Variants in CSMD1 observed in about 807,000 individuals in gnomAD.
CSMD1 encodes CUB and Sushi multiple domains 1, also known as CUB and sushi domain-containing protein 1.
A neutral mutation model predicts 417.5 loss-of-function variants in CSMD1; 213 were observed. The observed-to-expected ratio is 0.51, with a 90% CI of 0.46 to 0.57. The LOEUF is 0.57. Ranked by LOEUF, CSMD1 falls within the 20% of genes least tolerant of loss-of-function variation. The probability of loss-of-function intolerance (pLI) is 0.00; values close to 1 mark genes in which losing one functional copy is unlikely to be tolerated. For synonymous variants in CSMD1, 2,862 were observed against 1,736.8 expected (o/e 1.65, Z -16.11); for missense variants, 6,923 against 4,529.7 (o/e 1.53, Z -15.17).
At chr8:3,309,812 A>G (rs1805186327) in intron 23 of CSMD1, among the ~76,000 whole-genome samples, 1 of 152,320 alleles carries the variant, frequency 6.6e-6, no homozygotes. Context: ...TAACTTCACA[A>G]TATAATTTTA....
intron 3 of CSMD1, among the ~76,000 whole-genome samples, chr8:4,173,804 C>G (rs2680613): frequency 0.9 from 137,576 of 152,132 alleles, 62,252 homozygotes; most frequent in South Asian, 0.96. Context: ...TGGTGAGGTG[C>G]GCTTGAGGAA....
intron 5 of CSMD1, among the ~76,000 whole-genome samples, chr8:3,826,735 A>G (rs1802077141): frequency 6.6e-6 from 1 of 152,140 alleles, no homozygotes; most frequent in African/African-American, 2.4e-5. Context: ...TTTGTACTGA[A>G]TATCCCTAGG....
chr8:4,203,656 T>C (rs187383215), intron 3 of CSMD1, among the ~76,000 whole-genome samples: 1 of 152,194 alleles, frequency 6.6e-6, no homozygotes, highest in East Asian at 1.9e-4. Flanking sequence ...CATTGGAAGT[T>C]GGTTCCTCTC....
At chr8:4,031,284 G>C (rs932535108) in intron 4 of CSMD1, among the ~76,000 whole-genome samples, 2 of 152,172 alleles carry the variant, frequency 1.3e-5, no homozygotes, top group African/African-American at 4.8e-5. Flanking sequence ...ACAAAAGAAA[G>C]AAGTTTAATA....
intron 3 of CSMD1, among the ~76,000 whole-genome samples, chr8:4,256,107 C>T (rs1411887095): frequency 6.6e-6 from 1 of 152,214 alleles, no homozygotes; most frequent in East Asian, 1.9e-4. Context: ...GACTACTTTG[C>T]TCCCCTGCAA....
chr8:3,491,316 A>G (rs907880802), intron 11 of CSMD1, among the ~76,000 whole-genome samples: 1 of 152,150 alleles, frequency 6.6e-6, no homozygotes, highest in Non-Finnish European at 1.5e-5. Context: ...ACCTATCAAA[A>G]CTTCAGCTTC....
chr8:4,432,956 A>G (rs947485008), intron 2 of CSMD1, among the ~76,000 whole-genome samples: 1 of 152,186 alleles, frequency 6.6e-6, no homozygotes, highest in Non-Finnish European at 1.5e-5. Context: ...GGCTCACGTT[A>G]CCAGCTGAGC....
intron 1 of CSMD1, among the ~76,000 whole-genome samples, chr8:4,647,208 T>C (rs924032018): frequency 2.0e-5 from 3 of 151,404 alleles, no homozygotes; most frequent in African/African-American, 7.3e-5. Context: ...AACTTCAGAG[T>C]GTTTCGGGCG....
intron 5 of CSMD1, among the ~76,000 whole-genome samples, chr8:3,926,890 AT>A (rs1809772324): frequency 6.6e-6 from 1 of 151,344 alleles, no homozygotes; most frequent in Admixed American, 6.6e-5. Context: ...TAAGTTTTGT[AT>A]TTTTAGTAGA....
intron 1 of CSMD1, among the ~76,000 whole-genome samples, chr8:4,797,563 T>C (rs547673882): frequency 6.6e-6 from 1 of 152,054 alleles, no homozygotes; most frequent in Admixed American, 6.5e-5. Flanking sequence ...CAAAAATAAG[T>C]ACAATATAAA....
In CSMD1 at chr8:4,498,193, T is replaced by A. The variant is rs181731536; in HGVS notation, c.303-78128A>T. Reference sequence around the variant, plus strand: ...CTTTCTACTGTTAATGCTAACCCAATGCTTAGCAGACGGGGTTGAACGATG... The same window carrying A: ...CTTTCTACTGTTAATGCTAACCCAAAGCTTAGCAGACGGGGTTGAACGATG... On this transcript the variant is annotated intron_variant, in intron 2 of 69. Transcript: ENST00000635120. Among the ~76,000 whole-genome samples the A allele has an allele frequency of 4.3e-4, 66 of 152,334 alleles. 1 individual carries two copies. The East Asian group carries it at 0.012, about 27-fold the overall frequency.
chr8:4,499,246 T>C (rs1802130358), intron 2 of CSMD1, among the ~76,000 whole-genome samples: 1 of 152,176 alleles, frequency 6.6e-6, no homozygotes, highest in Non-Finnish European at 1.5e-5. Flanking sequence ...AATCTTGGGA[T>C]TCTGGATAAG....
At chr8:3,833,005 G>T (rs75149371) in intron 5 of CSMD1, among the ~76,000 whole-genome samples, 1 of 152,054 alleles carries the variant, frequency 6.6e-6, no homozygotes, top group Non-Finnish European at 1.5e-5. Flanking sequence ...TTATATTAAA[G>T]TGTCAGCTGC....
intron 1 of CSMD1, among the ~76,000 whole-genome samples, chr8:4,641,826 TA>T (rs746532973): frequency 1.3e-5 from 2 of 152,030 alleles, no homozygotes; most frequent in Non-Finnish European, 2.9e-5. Context: ...TGTCGTTCTT[TA>T]AAACTAATCA....
chr8:4,577,149 T>TA (rs1356416823), intron 2 of CSMD1, among the ~76,000 whole-genome samples: 1 of 151,862 alleles, frequency 6.6e-6, no homozygotes, highest in Non-Finnish European at 1.5e-5. Context: ...TTTCCTTGGG[T>TA]TTTTTTTGCA....
intron 3 of CSMD1, among the ~76,000 whole-genome samples, chr8:4,217,961 C>T (rs980337388): frequency 6.6e-6 from 1 of 152,134 alleles, no homozygotes; most frequent in African/African-American, 2.4e-5. Context: ...CCAGGTAATG[C>T]CATGGTAGTT....
At chr8:4,286,328 T>G (rs1797053700) in intron 3 of CSMD1, among the ~76,000 whole-genome samples, 1 of 152,146 alleles carries the variant, frequency 6.6e-6, no homozygotes, top group Admixed American at 6.6e-5. Context: ...TTTGGAACAT[T>G]CTTTTATTTT....
intron 1 of CSMD1, among the ~76,000 whole-genome samples, chr8:4,803,456 G>A (rs1798420511): frequency 1.3e-5 from 2 of 152,196 alleles, no homozygotes; most frequent in South Asian, 4.1e-4. Flanking sequence ...TTGCATGATA[G>A]GAGAGGAGGG....
chr8:4,083,695 A>T (rs1489511355), intron 3 of CSMD1, among the ~76,000 whole-genome samples: 1 of 152,194 alleles, frequency 6.6e-6, no homozygotes, highest in Non-Finnish European at 1.5e-5. Context: ...TCAATTCAAG[A>T]TGGATTAAAG....
Sources: gnomAD v4.1 joint callset for allele counts (sites outside exome capture counted in the v4.1 genomes callset) on GRCh38, gnomAD v4.1.1 for gene constraint, MANE v1.5 for transcripts, NCBI Gene and HGNC (gene_info 2026-07-23, HGNC 2026-07-21) for gene names.